VDAC1: variants seen among roughly 807,000 people sequenced by gnomAD.
The protein encoded by VDAC1 is non-selective voltage-gated ion channel VDAC1.
In VDAC1, 10 loss-of-function variants were observed where a neutral mutation model predicts 34.7. The ratio of observed to expected loss-of-function variants is 0.29; its 90% CI spans 0.18 to 0.49. The LOEUF is 0.49. VDAC1 is among the 20% of genes least tolerant of loss of function. VDAC1 has a pLI of 0.99. For synonymous variants in VDAC1, 130 were observed against 136.0 expected (o/e 0.96, Z 0.30); for missense variants, 230 against 347.9 (o/e 0.66, Z 2.69).
At chr5:134,054,534 C>T in the VDAC1 span, among the ~76,000 whole-genome samples, 1 of 131,674 alleles carries the variant, frequency 7.6e-6, no homozygotes, top group Non-Finnish European at 1.5e-5. Context: ...CATCTTATGT[C>T]ACTGCAACCT....
chr5:133,974,122 A>G (rs925652136), intron 7 of VDAC1, among the ~76,000 whole-genome samples: 2 of 152,220 alleles, frequency 1.3e-5, no homozygotes, highest in African/African-American at 4.8e-5. Context: ...CCTTTTGCTC[A>G]TATAAATAAT....
chr5:134,111,368 C>T, the VDAC1 span, among the ~76,000 whole-genome samples: 1 of 152,194 alleles, frequency 6.6e-6, no homozygotes, highest in Non-Finnish European at 1.5e-5. Context: ...ATCCAGAAGA[C>T]TCTGGGGCCT....
the VDAC1 span, among the ~76,000 whole-genome samples, chr5:134,025,758 T>A: frequency 6.6e-6 from 1 of 151,574 alleles, no homozygotes; most frequent in South Asian, 2.1e-4. Flanking sequence ...CCCAGCTAAG[T>A]TTCTTTTCAT....
At chr5:134,107,031 G>A in the VDAC1 span, among the ~76,000 whole-genome samples, 628 of 152,290 alleles carry the variant, frequency 4.1e-3, 1 homozygote, top group African/African-American at 0.015. Context: ...TGATGTTGTT[G>A]GTATGAGGCC....
chr5:133,980,719 G>A lies in VDAC1; in HGVS notation c.551+10C>T. 1.5e-6 allele frequency: 1 copy of A among 668,160 alleles called. No individual in the cohort carries two copies. The highest frequency in any genetic ancestry group is 2.4e-6 in the Non-Finnish European group (1 of 424,990). The allele number at this position is 668,160 out of a possible 1,614,324, so 41.4% of individuals were successfully genotyped here. A position where few individuals can be genotyped will look rare whatever the true frequency, so the allele number is the denominator to read the frequency against. On this transcript the variant is annotated intron_variant, in intron 6 of 8. Transcript: ENST00000265333. ...ACCCCTCCCACCCTGCTGCCCCCAT[G>A]TACACTTACACATTAGTGTGAAGCT... is the stretch of plus-strand genomic sequence containing the variant.
the VDAC1 span, among the ~76,000 whole-genome samples, chr5:134,028,525 C>T: frequency 3.3e-5 from 5 of 152,162 alleles, no homozygotes; most frequent in African/African-American, 4.8e-5. Flanking sequence ...TGTTTCATTG[C>T]ACTGAGGATT....
chr5:134,015,241 G>T, the VDAC1 span, among the ~76,000 whole-genome samples: 16 of 151,960 alleles, frequency 1.1e-4, no homozygotes, highest in Non-Finnish European at 2.1e-4. Flanking sequence ...GGGGGCAAGG[G>T]TTGAAAAACT....
At chr5:134,041,937 C>A in the VDAC1 span, among the ~76,000 whole-genome samples, 4 of 152,228 alleles carry the variant, frequency 2.6e-5, no homozygotes, top group South Asian at 8.3e-4. Context: ...CTCTCCTCTG[C>A]AGCTTCAAAA....
At chr5:133,997,707 C>CAAAAAAA (rs67591375) in intron 1 of VDAC1, among the ~76,000 whole-genome samples, 37 of 57,806 alleles carry the variant, frequency 6.4e-4, no homozygotes, top group South Asian at 8.4e-4. Flanking sequence ...GACTGTCTCA[C>CAAAAAAA]AAAAAAAAAA....
the VDAC1 span, among the ~76,000 whole-genome samples, chr5:134,044,404 C>T: frequency 2.6e-5 from 4 of 152,308 alleles, no homozygotes; most frequent in Non-Finnish European, 4.4e-5. Flanking sequence ...TCCTTCCTGT[C>T]GGGGAACCTC....
chr5:134,033,303 G>A, the VDAC1 span, among the ~76,000 whole-genome samples: 1 of 151,462 alleles, frequency 6.6e-6, no homozygotes, highest in Non-Finnish European at 1.5e-5. Flanking sequence ...GGCTACAGGC[G>A]CCCACCAGCA....
At position 133,990,798 on chromosome 5, in the gene VDAC1, T is replaced by C. The variant is rs191332756; in HGVS notation, c.323+57A>G. The C allele has an allele frequency of 2.3e-5, 35 of 1,509,402 alleles. No individual in the cohort carries two copies. The East Asian group carries it at 7.8e-4, about 34-fold the overall frequency. 93.5% of individuals were successfully genotyped at this position (1,509,402 alleles called of 1,614,324 possible). Reference sequence around the variant, plus strand: ...CCAAAACATTTTGTCACAAAGGGCTTCCACCACCTGCAACATCAGAGAACA... The same window carrying C: ...CCAAAACATTTTGTCACAAAGGGCTCCCACCACCTGCAACATCAGAGAACA... On this transcript the variant is annotated intron_variant, in intron 5 of 8. Coordinates refer to ENST00000265333, the MANE Select transcript of VDAC1 (RefSeq NM_003374.3).
chr5:133,976,588 C>T (rs1752490796), intron 6 of VDAC1, among the ~76,000 whole-genome samples: 1 of 150,294 alleles, frequency 6.7e-6, no homozygotes, highest in Non-Finnish European at 1.5e-5. Context: ...GCCGAGGCAG[C>T]AGGACTGCTT....
At chr5:134,003,862 C>A (rs1561602786) in intron 1 of VDAC1, among the ~76,000 whole-genome samples, 2 of 152,228 alleles carry the variant, frequency 1.3e-5, no homozygotes, top group Non-Finnish European at 2.9e-5. Flanking sequence ...ACTAAGACTG[C>A]GGGCCTCTAA....
the VDAC1 span, among the ~76,000 whole-genome samples, chr5:134,073,396 G>A: frequency 6.6e-5 from 10 of 152,128 alleles, no homozygotes; most frequent in African/African-American, 2.2e-4. Context: ...AAATTCCAGG[G>A]GTCTGGCCCG....
At chr5:134,092,423 G>A in the VDAC1 span, among the ~76,000 whole-genome samples, 2 of 152,130 alleles carry the variant, frequency 1.3e-5, no homozygotes, top group African/African-American at 4.8e-5. Flanking sequence ...GAAGAGCTCC[G>A]GGGCACAGGC....
At chr5:134,094,463 C>G in the VDAC1 span, among the ~76,000 whole-genome samples, 1 of 152,048 alleles carries the variant, frequency 6.6e-6, no homozygotes, top group Non-Finnish European at 1.5e-5. Context: ...CTTGGGAGGC[C>G]GAGGCGGGCA....
At chr5:134,032,843 G>A in the VDAC1 span, among the ~76,000 whole-genome samples, 4 of 152,156 alleles carry the variant, frequency 2.6e-5, no homozygotes, top group African/African-American at 9.7e-5. Flanking sequence ...TCCAGCCTGG[G>A]CAACAGAGTG....
the VDAC1 span, among the ~76,000 whole-genome samples, chr5:134,042,049 C>T: frequency 2.6e-5 from 4 of 152,210 alleles, no homozygotes; most frequent in Non-Finnish European, 4.4e-5. Context: ...CTGCTCTGAG[C>T]TGCCCGAGCA....
Sources: gnomAD v4.1 joint callset for allele counts (sites outside exome capture counted in the v4.1 genomes callset) on GRCh38, gnomAD v4.1.1 for gene constraint, MANE v1.5 for transcripts, NCBI Gene and HGNC (gene_info 2026-07-23, HGNC 2026-07-21) for gene names.